Variants in SULT1A1 observed in about 807,000 individuals in gnomAD.
SULT1A1 encodes sulfotransferase family 1A member 1.
SULT1A1 carries 35 observed loss-of-function variants against 36.8 expected under a neutral mutation model. The observed-to-expected ratio is 0.95, with a 90% CI of 0.73 to 1.26. The LOEUF is 1.26. Ranked by LOEUF, SULT1A1 falls within the 50% of genes most tolerant of loss-of-function variation. The probability of loss-of-function intolerance (pLI) is 0.00; values close to 1 mark genes in which losing one functional copy is unlikely to be tolerated. For missense variants in SULT1A1, 309 were observed against 383.0 expected, an observed-to-expected ratio of 0.81 and a Z score of 1.61; for synonymous variants, 119 against 146.0, an observed-to-expected ratio of 0.82 and a Z score of 1.33.
rs930130416 is a variant in SULT1A1 at position 28,605,568 on chromosome 16, G to A, written c.*253C>T. The A allele has an allele frequency of 3.1e-6, 2 of 642,978 alleles. No individual in the cohort carries two copies. Among genetic ancestry groups the A allele is most frequent in the South Asian group, 2.0e-5 (1 of 50,086 alleles). 39.8% of individuals were successfully genotyped at this position (642,978 alleles called of 1,614,324 possible). A position where few individuals can be genotyped will look rare whatever the true frequency, so the allele number is the denominator to read the frequency against. Reference sequence around the variant, plus strand: ...ATTACAGGCATGAGCCACTCTGCCTGGCCCACAATCATATTTTATTCTCTT... The same window carrying A: ...ATTACAGGCATGAGCCACTCTGCCTAGCCCACAATCATATTTTATTCTCTT... On this transcript the variant is annotated 3_prime_UTR_variant, in exon 8 of 8. Coordinates refer to ENST00000314752, the MANE Select transcript of SULT1A1 (RefSeq NM_001055.4).
chr16:28,610,315 C>T (rs1596641702), upstream of SULT1A1: 1 of 920,760 alleles, frequency 1.1e-6, no homozygotes, highest in African/African-American at 1.8e-5. Context: ...GGCTCCTGAC[C>T]TGCCCCTGAA....
Position 28,605,607 on chromosome 16 carries a change from T to G in SULT1A1, c.*214A>C. 10 of 814,300 alleles carry G rather than the reference T, an allele frequency of 1.2e-5. No individual in the cohort carries two copies. Among genetic ancestry groups the G allele is most frequent in the Non-Finnish European group, 1.7e-5 (9 of 525,034 alleles). The allele number at this position is 814,300 out of a possible 1,614,324, so 50.4% of individuals were successfully genotyped here. ...TTTTATTCTCTTTTTAAAAATTGGTTTTATTTTATTTTATTTTTTTAACAG... is the reference window on the plus strand; with the variant it reads ...TTTTATTCTCTTTTTAAAAATTGGTGTTATTTTATTTTATTTTTTTAACAG... On this transcript the variant is annotated 3_prime_UTR_variant, in exon 8 of 8. Coordinates refer to ENST00000314752, the MANE Select transcript of SULT1A1 (RefSeq NM_001055.4).
At chr16:28,607,441 G>A (rs1002643257) in intron 4 of SULT1A1, 43 of 236,512 alleles carry the variant, frequency 1.8e-4, no homozygotes, top group Admixed American at 8.6e-4. Context: ...GGTCATCAGA[G>A]CAAGAGGCAG....
At chr16:28,617,819 C>T (rs1483104655) in intron 2 of SULT1A1, among the ~76,000 whole-genome samples, 1 of 151,840 alleles carries the variant, frequency 6.6e-6, no homozygotes, top group Admixed American at 6.6e-5. Flanking sequence ...TGTGAGTTGT[C>T]GTGCCCGGCC....
intron 2 of SULT1A1, among the ~76,000 whole-genome samples, chr16:28,615,770 T>C (rs958961256): frequency 2.6e-5 from 4 of 152,142 alleles, no homozygotes; most frequent in African/African-American, 7.2e-5. Context: ...TCACCTCCAA[T>C]GATAGGTAAG....
upstream of SULT1A1, chr16:28,610,256 T>TTTTTA: frequency 8.8e-7 from 1 of 1,138,844 alleles, no homozygotes; most frequent in Non-Finnish European, 1.1e-6. Flanking sequence ...TGTAGGTTTT[T>TTTTTA]TTTTTCTGTT....
At chr16:28,621,078 T>G (rs2047642804) in intron 1 of SULT1A1, among the ~76,000 whole-genome samples, 1 of 151,154 alleles carries the variant, frequency 6.6e-6, no homozygotes, top group Admixed American at 6.6e-5. Context: ...CCAATGCACA[T>G]TCCAGCCAGG....
At chr16:28,609,342 C>A in intron 1 of SULT1A1, 1 of 1,290,028 alleles carries the variant, frequency 7.8e-7, no homozygotes, top group Non-Finnish European at 1.0e-6. Flanking sequence ...CCCAGGCCAG[C>A]CAGGCCTGTG....
In SULT1A1 at chr16:28,606,815, C is replaced by T. The variant is rs376199654; in HGVS notation, c.540G>A (p.Trp180Ter). 9 of 1,612,370 alleles carry T rather than the reference C, an allele frequency of 5.6e-6. No homozygotes were observed. In the African/African-American group the frequency reaches 1.2e-4, roughly 22 times the overall value. ...GAACAGGGTGGGTGCGGCTCAGCTC[C>T]CACCACTCCTGCACGTGCTGGTACC... is the stretch of plus-strand genomic sequence containing the variant. ...GSWYQHVQEW[W>*]ELSRTHPVLY... Residue 180 changes from tryptophan to a stop codon, truncating the protein, a stop_gained, in exon 6 of 8, where the codon TGG becomes TGA. Transcript: ENST00000314752. LOFTEE classifies it high-confidence loss of function.
upstream of SULT1A1, chr16:28,611,278 A>G (rs1213477835): frequency 6.6e-6 from 1 of 152,126 alleles, no homozygotes; most frequent in Non-Finnish European, 1.5e-5. Flanking sequence ...GAGGAGAAGA[A>G]GGAAACTTGA....
At chr16:28,620,768 G>A (rs533428099) in intron 1 of SULT1A1, among the ~76,000 whole-genome samples, 7 of 152,216 alleles carry the variant, frequency 4.6e-5, no homozygotes, top group African/African-American at 1.7e-4. Context: ...AACATTTTGT[G>A]AAAAGTTGAA....
upstream of SULT1A1, chr16:28,610,061 CGG>C (rs933528691): frequency 8.5e-7 from 1 of 1,182,672 alleles, no homozygotes; most frequent in South Asian, 1.3e-5. Flanking sequence ...GATCTGGAGC[CGG>C]GGCTGGACTT....
exon 1 of SULT1A1, chr16:28,623,345 GT>G: frequency 6.7e-7 from 1 of 1,498,450 alleles, no homozygotes; most frequent in Non-Finnish European, 8.9e-7. Context: ...GCTGCAGCAC[GT>G]CCCCGGCGGA....
At position 28,619,101 on chromosome 16, in the gene SULT1A1, T is replaced by C. The variant is rs1182513133; in HGVS notation, c.138+962A>G. On this transcript the variant is annotated intron_variant, in intron 2 of 5. Transcript: ENST00000350842. Reference sequence around the variant, plus strand: ...TGAGATCTTGGCTCACTGCAACCTGTCTTCAGATTCAAGTGATTCTCCTGC... The same window carrying C: ...TGAGATCTTGGCTCACTGCAACCTGCCTTCAGATTCAAGTGATTCTCCTGC... Among the ~76,000 whole-genome samples the C allele has an allele frequency of 2.0e-5, 3 of 152,088 alleles. No homozygotes were observed. The East Asian group carries it at 5.8e-4, about 29-fold the overall frequency.
chr16:28,610,124 C>T (rs1290571653), upstream of SULT1A1: 13 of 1,285,832 alleles, frequency 1.0e-5, no homozygotes, highest in Non-Finnish European at 1.3e-5. Flanking sequence ...GGAGCTTCTC[C>T]ATTACCCTCC....
At chr16:28,618,075 T>C (rs2151719919) in intron 2 of SULT1A1, among the ~76,000 whole-genome samples, 1 of 149,204 alleles carries the variant, frequency 6.7e-6, no homozygotes, top group Non-Finnish European at 1.5e-5. Flanking sequence ...GGCCTCACTC[T>C]GTCACTCAGG....
rs746917796 is a variant in SULT1A1, at chr16:28,606,831, T to A, written c.524A>T (p.His175Leu). 2 of 1,612,510 alleles carry A rather than the reference T, an allele frequency of 1.2e-6. No homozygotes were observed. Among genetic ancestry groups the A allele is most frequent in the Non-Finnish European group, 1.7e-6 (2 of 1,178,694 alleles). The change falls in exon 6 of 8, where the codon CAC becomes CTC. Residue 175 changes from histidine (H) to leucine (L), a missense_variant. This residue lies in a region of SULT1A1 where 219 missense variants were observed against 215.3 expected (regional missense o/e 1.02). Coordinates refer to ENST00000314752, the MANE Select transcript of SULT1A1 (RefSeq NM_001055.4). Reference protein sequence around the residue: ...GEVSYGSWYQHVQEWWELSRT... With the variant: ...GEVSYGSWYQLVQEWWELSRT... ...GCTCAGCTCCCACCACTCCTGCACG[T>A]GCTGGTACCAGGATCCGTAGGACAC...
intron 1 of SULT1A1, chr16:28,609,420 C>G (rs1365107686): frequency 1.3e-5 from 17 of 1,276,054 alleles, no homozygotes; most frequent in Non-Finnish European, 1.5e-5. Context: ...AACTGAGCTG[C>G]TACTAGGGGC....
At chr16:28,621,663 G>A (rs928815695) in intron 1 of SULT1A1, among the ~76,000 whole-genome samples, 59 of 151,884 alleles carry the variant, frequency 3.9e-4, no homozygotes, top group African/African-American at 1.4e-3. Context: ...CAAATCACAC[G>A]CCGGGACCAG....
Sources: gnomAD v4.1 joint callset for allele counts (sites outside exome capture counted in the v4.1 genomes callset) on GRCh38, gnomAD v4.1.1 for gene constraint, gnomAD v4.1.1 regional missense constraint, MANE v1.5 for transcripts, NCBI Gene and HGNC (gene_info 2026-07-23, HGNC 2026-07-21) for gene names.